NDUFS1: variants seen among roughly 807,000 people sequenced by gnomAD.
NDUFS1 encodes NADH-ubiquinone oxidoreductase 75 kDa subunit, mitochondrial.
A neutral mutation model predicts 84.4 loss-of-function variants in NDUFS1; 61 were observed. That is an observed-to-expected ratio of 0.72 (90% CI 0.59 to 0.89). The LOEUF is 0.89. Among genes scored for constraint, NDUFS1 ranks in the 40% least tolerant of loss-of-function variants. The pLI, the probability that NDUFS1 is intolerant of heterozygous loss-of-function variation, is 0.00. For synonymous variants in NDUFS1, 275 were observed against 290.0 expected (o/e 0.95, Z 0.53); for missense variants, 891 against 890.0 (o/e 1.00, Z -0.01).
intron 13 of NDUFS1, among the ~76,000 whole-genome samples, chr2:206,134,537 G>A (rs1438443217): frequency 6.6e-6 from 1 of 151,486 alleles, no homozygotes; most frequent in Non-Finnish European, 1.5e-5. Flanking sequence ...AGCCAAGACA[G>A]CACCATTGCA....
At chr2:206,137,322 A>G (rs1011162746) in intron 13 of NDUFS1, among the ~76,000 whole-genome samples, 2 of 152,012 alleles carry the variant, frequency 1.3e-5, no homozygotes, top group African/African-American at 4.8e-5. Flanking sequence ...AAAAATACAA[A>G]AATTAGCCAG....
intron 8 of NDUFS1, 31 bp from the exon 9 acceptor site, chr2:206,145,057 G>T: frequency 1.3e-6 from 2 of 1,557,894 alleles, no homozygotes; most frequent in Non-Finnish European, 1.7e-6. Context: ...TTACTATGGT[G>T]CTTTTGGGAA....
chr2:206,126,646 A>T, intron 17 of NDUFS1, 35 bp from the exon 18 acceptor site: 2 of 1,614,154 alleles, frequency 1.2e-6, no homozygotes, highest in Non-Finnish European at 1.7e-6. Context: ...AATAATATGG[A>T]AAACTAGTAC....
intron 5 of NDUFS1, 66 bp downstream of exon 5, chr2:206,148,954 C>A: frequency 8.1e-7 from 1 of 1,230,392 alleles, no homozygotes; most frequent in South Asian, 1.2e-5. Context: ...ATGGGAAGGT[C>A]TAAATACCAA....
At chr2:206,126,067 C>T (rs1204385268) in intron 18 of NDUFS1, among the ~76,000 whole-genome samples, 1 of 152,196 alleles carries the variant, frequency 6.6e-6, no homozygotes, top group Non-Finnish European at 1.5e-5. Context: ...TTAACTACCT[C>T]ATAACCTAGA....
Position 206,145,045 on chromosome 2 carries a change from G to T in NDUFS1, c.738-19C>A. 1.3e-6 allele frequency: 2 copies of T among 1,591,656 alleles called. No individual in the cohort carries two copies. The highest frequency in any genetic ancestry group is 1.7e-6 in the Non-Finnish European group (2 of 1,168,248). On this transcript the variant is annotated intron_variant, in intron 8 of 18. Transcript: ENST00000233190. ...TGTCTTTCTGAGAAACACATACGGT[G>T]TTTACTATGGTGCTTTTGGGAATAA...
rs762268748 is a variant in NDUFS1, at chr2:206,147,837, G to C, written c.339-3C>G. ...ATAAGAACTCCATCACACCTTCCCT[G>C]TATGAAAATTGTAACATATAAAATG... On this transcript the variant is annotated splice_polypyrimidine_tract_variant and splice_region_variant and intron_variant, in intron 5 of 18. Coordinates refer to ENST00000233190, the MANE Select transcript of NDUFS1 (RefSeq NM_005006.7). 6.2e-7 allele frequency: 1 copy of C among 1,611,878 alleles called. No homozygotes were observed. The highest frequency in any genetic ancestry group is 1.3e-5 in the African/African-American group (1 of 74,806).
rs34184317 is a variant in NDUFS1, at chr2:206,149,110, GA to G, written c.262-15del. 0.04 allele frequency: 48,163 copies of G among 1,193,926 alleles called. 481 individuals carry two copies. The highest frequency in any genetic ancestry group is 0.12 in the African/African-American group (7,850 of 63,412). The allele number at this position is 1,193,926 out of a possible 1,614,324, so 74.0% of individuals were successfully genotyped here. ...AGCAGCTACAACCTGGGATTTCAAT[GA>G]AAAAAAAAAATGTGTATTTGTATTT... On this transcript the variant is annotated splice_polypyrimidine_tract_variant and intron_variant, in intron 4 of 18. Coordinates refer to ENST00000233190, the MANE Select transcript of NDUFS1 (RefSeq NM_005006.7).
At chr2:206,144,368 CA>C (rs1017016138) in intron 9 of NDUFS1, among the ~76,000 whole-genome samples, 11 of 151,868 alleles carry the variant, frequency 7.2e-5, no homozygotes, top group Middle Eastern at 3.4e-3. Context: ...TTAAATCATA[CA>C]AAAAAAAGTT....
In NDUFS1 at chr2:206,115,657, A is replaced by G; in HGVS notation, c.*8528T>C. 1 of 355,046 alleles carries G rather than the reference A, an allele frequency of 2.8e-6. No individual in the cohort carries two copies. Among genetic ancestry groups the G allele is most frequent in the South Asian group, 2.4e-5 (1 of 41,246 alleles). The allele number at this position is 355,046 out of a possible 1,614,324, so 22.0% of individuals were successfully genotyped here. A position where few individuals can be genotyped will look rare whatever the true frequency, so the allele number is the denominator to read the frequency against. On this transcript the variant is annotated 3_prime_UTR_variant, in exon 19 of 19. Transcript: ENST00000233190. ...ATGCAGTGTATTGCAAAATTAAGAT[A>G]GTGTTGTTCTTCATCTGACACTGTA...
chr2:206,136,188 T>C (rs568937264), intron 13 of NDUFS1, among the ~76,000 whole-genome samples: 20 of 151,712 alleles, frequency 1.3e-4, no homozygotes, highest in African/African-American at 3.9e-4. Context: ...GTAGCTGGGA[T>C]TACAGGCCAC....
Position 206,127,460 on chromosome 2 carries a change from G to A in NDUFS1, c.1884+337C>T, listed in dbSNP as rs538386145. ...TTGCGCCCGGGAGGTGGAGGTTGCA[G>A]TAAGCTGAGATCACGCCACTGCACT... On this transcript the variant is annotated intron_variant, in intron 16 of 18. Transcript: ENST00000233190. 1.2e-3 allele frequency: 272 copies of A among 230,162 alleles called. 2 individuals carry two copies. The highest frequency in any genetic ancestry group is 5.5e-3 in the Middle Eastern group (3 of 550). The allele number at this position is 230,162 out of a possible 1,614,324, so 14.3% of individuals were successfully genotyped here.
intron 13 of NDUFS1, among the ~76,000 whole-genome samples, chr2:206,136,319 T>C (rs965961365): frequency 7.3e-5 from 11 of 151,530 alleles, no homozygotes; most frequent in African/African-American, 2.7e-4. Context: ...CCCAAAGTAC[T>C]GGAATTACAG....
In NDUFS1 at chr2:206,156,064, C is replaced by T. The variant is rs1441088767; in HGVS notation, c.-4-2382G>A. Among the ~76,000 whole-genome samples the T allele has an allele frequency of 4.0e-5, 6 of 150,994 alleles. No individual in the cohort carries two copies. The East Asian group carries it at 1.2e-3, about 30-fold the overall frequency. On this transcript the variant is annotated intron_variant, in intron 1 of 18. Coordinates refer to ENST00000233190, the MANE Select transcript of NDUFS1 (RefSeq NM_005006.7). ...GGATCACGAGGTCAAGAGATCGAAA[C>T]CATCCTGGCCAACATGGTGAAACCC... is the stretch of plus-strand genomic sequence containing the variant.
intron 15 of NDUFS1, 118 bp downstream of exon 15, chr2:206,129,970 G>A (rs189777948): frequency 9.3e-6 from 11 of 1,178,806 alleles, no homozygotes; most frequent in African/African-American, 9.1e-5. Flanking sequence ...GAGGAGGAGT[G>A]GGGGAGGCAA....
At position 206,135,946 on chromosome 2, in the gene NDUFS1, A is replaced by C. The variant is rs189767844; in HGVS notation, c.1392+2539T>G. On this transcript the variant is annotated intron_variant, in intron 13 of 18. Coordinates refer to ENST00000233190, the MANE Select transcript of NDUFS1 (RefSeq NM_005006.7). ...GAACCACAAGGAGAAGGACACACAC[A>C]ATCACATGTGAGCAAGCAAATGCAC... Among the ~76,000 whole-genome samples, 601 of 152,254 alleles carry C rather than the reference A, an allele frequency of 3.9e-3. 15 individuals are homozygous for C. Among genetic ancestry groups the C allele is most frequent in the South Asian group, 2.1e-3 (10 of 4,820 alleles).
rs1487600079 is a variant in NDUFS1 at position 206,121,456 on chromosome 2, A to AT, written c.*2728dup. 3 of 151,988 alleles carry AT rather than the reference A, an allele frequency of 2.0e-5. No individual in the cohort carries two copies. Among genetic ancestry groups the AT allele is most frequent in the Admixed American group, 6.6e-5 (1 of 15,224 alleles). 9.4% of individuals were successfully genotyped at this position (151,988 alleles called of 1,614,324 possible). ...CAGAGGAGGTATTATTTATTTATTT[A>AT]TTTATTTTTTGAGAGGGAGGCTTGT... is the stretch of plus-strand genomic sequence containing the variant. On this transcript the variant is annotated 3_prime_UTR_variant, in exon 19 of 19. Transcript: ENST00000233190.
At chr2:206,137,344 C>T (rs1234932731) in intron 13 of NDUFS1, among the ~76,000 whole-genome samples, 1 of 151,896 alleles carries the variant, frequency 6.6e-6, no homozygotes, top group Non-Finnish European at 1.5e-5. Context: ...TGTGGTGGTG[C>T]GTGCCTGTAG....
intron 2 of NDUFS1, among the ~76,000 whole-genome samples, chr2:206,153,196 CTTTTTTT>C (rs770646674): frequency 7.2e-6 from 1 of 138,010 alleles, no homozygotes; most frequent in Non-Finnish European, 1.6e-5. Context: ...TTTGTTTCTT[CTTTTTTT>C]TTTTTTTTCC....
Sources: gnomAD v4.1 joint callset for allele counts (sites outside exome capture counted in the v4.1 genomes callset) on GRCh38, gnomAD v4.1.1 for gene constraint, MANE v1.5 for transcripts, NCBI Gene and HGNC (gene_info 2026-07-23, HGNC 2026-07-21) for gene names.